The following GPM6A variants were observed in gnomAD, a reference collection of about 807,000 sequenced individuals.
The protein encoded by GPM6A is glycoprotein M6A.
A neutral mutation model predicts 32.1 loss-of-function variants in GPM6A; 7 were observed. That is an observed-to-expected ratio of 0.22 (90% CI 0.12 to 0.41). The LOEUF is 0.41. GPM6A is among the 10% of genes least tolerant of loss of function. GPM6A has a pLI of 1.00. For missense variants in GPM6A, 235 were observed against 347.2 expected, an observed-to-expected ratio of 0.68 and a Z score of 2.57; for synonymous variants, 130 against 123.4, an observed-to-expected ratio of 1.05 and a Z score of -0.35.
chr4:175,946,193 G>A (rs1267665550), intron 1 of GPM6A, among the ~76,000 whole-genome samples: 1 of 152,002 alleles, frequency 6.6e-6, no homozygotes, highest in Non-Finnish European at 1.5e-5. Context: ...AGTTAATGAG[G>A]AAGTTAAATT....
At chr4:175,651,657 A>T (rs1349017693) in intron 4 of GPM6A, among the ~76,000 whole-genome samples, 177 bp downstream of exon 4, 1 of 152,104 alleles carries the variant, frequency 6.6e-6, no homozygotes, top group South Asian at 2.1e-4. Flanking sequence ...TTCACCCTTG[A>T]CTTTCTACTT....
At chr4:175,999,782 T>C (rs1741418480) in intron 1 of GPM6A, among the ~76,000 whole-genome samples, 1 of 152,180 alleles carries the variant, frequency 6.6e-6, no homozygotes, top group Admixed American at 6.5e-5. Context: ...GGATTCCATT[T>C]GTTGGCGCAA....
intron 1 of GPM6A, among the ~76,000 whole-genome samples, chr4:175,954,607 G>A (rs951262457): frequency 6.6e-6 from 1 of 152,234 alleles, no homozygotes; most frequent in African/African-American, 2.4e-5. Context: ...CTAAAGAGGA[G>A]TGAATCTGAG....
At chr4:175,684,580 T>C (rs1297838173) in intron 2 of GPM6A, among the ~76,000 whole-genome samples, 1 of 152,232 alleles carries the variant, frequency 6.6e-6, no homozygotes, top group Non-Finnish European at 1.5e-5. Context: ...AATCTAACTT[T>C]ATCTTTTTTT....
intron 2 of GPM6A, 72 bp downstream of exon 2, chr4:175,701,502 GC>G: frequency 9.8e-7 from 1 of 1,017,002 alleles, no homozygotes; most frequent in South Asian, 1.4e-5. Flanking sequence ...CTAACTGTAG[GC>G]CCCTAATCAT....
intron 1 of GPM6A, among the ~76,000 whole-genome samples, chr4:175,934,715 G>A (rs901274743): frequency 1.1e-4 from 17 of 152,026 alleles, no homozygotes; most frequent in Non-Finnish European, 1.8e-4. Flanking sequence ...TTCACAGAAC[G>A]CGAGGGTAAT....
At chr4:175,817,440 A>T (rs1350924572) in intron 1 of GPM6A, among the ~76,000 whole-genome samples, 2 of 152,254 alleles carry the variant, frequency 1.3e-5, no homozygotes, top group African/African-American at 2.4e-5. Flanking sequence ...CGTAGGACAG[A>T]CCAAATATCA....
chr4:175,995,505 G>A (rs994221710), intron 1 of GPM6A, among the ~76,000 whole-genome samples: 1 of 152,076 alleles, frequency 6.6e-6, no homozygotes, highest in Non-Finnish European at 1.5e-5. Flanking sequence ...GTAATGAGTG[G>A]CTAAGTCAGC....
Position 175,932,873 on chromosome 4 carries a change from T to G in GPM6A, c.-23+69436A>C, listed in dbSNP as rs11733240. Among the ~76,000 whole-genome samples the G allele has an allele frequency of 7.2e-3, 1,093 of 152,104 alleles. 6 individuals are homozygous for G. Among genetic ancestry groups the G allele is most frequent in the Non-Finnish European group, 0.01 (694 of 67,950 alleles). On this transcript the variant is annotated intron_variant, in intron 1 of 7. Transcript: ENST00000280187. Reference sequence around the variant, plus strand: ...TAAGAGAATGGTAAAAATACCTAATTAACCTAAAAGTCAGGAGATAAGTAT... The same window carrying G: ...TAAGAGAATGGTAAAAATACCTAATGAACCTAAAAGTCAGGAGATAAGTAT...
intron 1 of GPM6A, among the ~76,000 whole-genome samples, chr4:175,810,844 G>A (rs1216835772): frequency 6.6e-6 from 1 of 152,120 alleles, no homozygotes; most frequent in Non-Finnish European, 1.5e-5. Context: ...AATCACTGAT[G>A]AAAACTTGGG....
At chr4:175,876,986 C>A (rs574988236) in intron 1 of GPM6A, among the ~76,000 whole-genome samples, 1 of 151,986 alleles carries the variant, frequency 6.6e-6, no homozygotes, top group Non-Finnish European at 1.5e-5. Flanking sequence ...AAAGTCCATG[C>A]GGTCACTTAT....
intron 1 of GPM6A, among the ~76,000 whole-genome samples, chr4:175,874,808 G>T (rs1271796967): frequency 6.6e-6 from 1 of 152,098 alleles, no homozygotes; most frequent in Non-Finnish European, 1.5e-5. Context: ...AATTTATACA[G>T]TTCATTTCAA....
intron 1 of GPM6A, among the ~76,000 whole-genome samples, chr4:175,855,993 T>A (rs1291075027): frequency 3.9e-5 from 6 of 152,092 alleles, no homozygotes; most frequent in Non-Finnish European, 7.4e-5. Context: ...GAAACAGAGA[T>A]CATTGGACAA....
chr4:175,879,248 C>T (rs977439401), intron 1 of GPM6A, among the ~76,000 whole-genome samples: 3 of 152,158 alleles, frequency 2.0e-5, no homozygotes, highest in Admixed American at 2.0e-4. Context: ...CTGTTCCAAC[C>T]TCTGCCTGTT....
intron 4 of GPM6A, among the ~76,000 whole-genome samples, chr4:175,644,915 T>C (rs1176182201): frequency 2.0e-5 from 3 of 151,952 alleles, no homozygotes; most frequent in Admixed American, 1.3e-4. Context: ...AAGACCAGCC[T>C]GGCCAACATG....
intron 1 of GPM6A, among the ~76,000 whole-genome samples, chr4:175,822,371 C>CCCTA: frequency 6.6e-6 from 1 of 152,010 alleles, no homozygotes; most frequent in Non-Finnish European, 1.5e-5. Context: ...AAAAGCTGTC[C>CCCTA]ACTTTAGGAG....
intron 1 of GPM6A, among the ~76,000 whole-genome samples, chr4:175,902,604 T>C (rs1424887528): frequency 6.6e-6 from 1 of 152,072 alleles, no homozygotes; most frequent in Non-Finnish European, 1.5e-5. Context: ...GGTGGCCAGA[T>C]TCTTCCTCGC....
upstream of GPM6A, chr4:175,812,545 T>C (rs1172602067): frequency 3.8e-6 from 4 of 1,064,086 alleles, no homozygotes; most frequent in Non-Finnish European, 4.5e-6. Flanking sequence ...CTGAGAATTT[T>C]GGGGGGAAAT....
chr4:175,759,297 C>CA (rs1553986326), intron 1 of GPM6A, among the ~76,000 whole-genome samples: 2,404 of 150,568 alleles, frequency 0.016, 77 homozygotes, highest in African/African-American at 0.055. Context: ...TTGAGGAATA[C>CA]GGGGGGGGCA....
Sources: allele counts gnomAD v4.1 joint callset (sites outside exome capture counted in the v4.1 genomes callset), GRCh38; gene constraint gnomAD v4.1.1; transcripts MANE v1.5; gene names NCBI Gene and HGNC (gene_info 2026-07-23, HGNC 2026-07-21).